ZMYND8: variants seen among roughly 807,000 people sequenced by gnomAD.
The protein encoded by ZMYND8 is MYND-type zinc finger-containing chromatin reader ZMYND8.
ZMYND8 carries 37 observed loss-of-function variants against 140.8 expected under a neutral mutation model. The ratio of observed to expected loss-of-function variants is 0.26; its 90% CI spans 0.20 to 0.35. The LOEUF is 0.35. Among genes scored for constraint, ZMYND8 ranks in the 10% least tolerant of loss-of-function variants. The pLI is 1.00. For missense variants in ZMYND8, 1,068 were observed against 1,570.0 expected, an observed-to-expected ratio of 0.68 and a Z score of 5.40; for synonymous variants, 592 against 597.1, an observed-to-expected ratio of 0.99 and a Z score of 0.12.
chr20:47,352,512 C>T, intron 1 of ZMYND8: 2 of 985,460 alleles, frequency 2.0e-6, no homozygotes, highest in Non-Finnish European at 2.4e-6. Context: ...CCCAACAGAG[C>T]CTGAGAATTA....
At chr20:47,227,548 T>G (rs1485427726) in intron 17 of ZMYND8, among the ~76,000 whole-genome samples, 1 of 152,236 alleles carries the variant, frequency 6.6e-6, no homozygotes, top group Admixed American at 6.5e-5. Flanking sequence ...GACTTTCATA[T>G]AAATAATATA....
In ZMYND8 at chr20:47,281,571, A is replaced by C. The variant is rs73304056; in HGVS notation, c.998+531T>G. 6.8e-3 allele frequency among the ~76,000 whole-genome samples: 1,041 copies of C among 152,268 alleles called. 11 individuals carry two copies. The highest frequency in any genetic ancestry group is 0.024 in the African/African-American group (993 of 41,530). ...ATTCACTCTGCCGTGTACGGAGGGA[A>C]AGGGGAGGGCAGGAAGGCTGGGAGG... On this transcript the variant is annotated intron_variant, in intron 10 of 22. Coordinates refer to ENST00000471951, the MANE Select transcript of ZMYND8 (RefSeq NM_001281775.3).
intron 8 of ZMYND8, among the ~76,000 whole-genome samples, chr20:47,285,981 A>T (rs1358534159): frequency 2.0e-5 from 3 of 152,084 alleles, no homozygotes; most frequent in African/African-American, 7.2e-5. Flanking sequence ...GCCTGAGCCC[A>T]GGAGTTTGAG....
chr20:47,276,244 C>A, intron 11 of ZMYND8, 70 bp downstream of exon 11: 1 of 1,465,618 alleles, frequency 6.8e-7, no homozygotes, highest in Non-Finnish European at 9.0e-7. Flanking sequence ...CTTGGGCCCA[C>A]CAAGTGTGCA....
In ZMYND8 at chr20:47,215,972, TAC is replaced by T. The variant is rs148180036; in HGVS notation, c.3485-3249_3485-3248del. Among the ~76,000 whole-genome samples, 933 of 152,182 alleles carry T rather than the reference TAC, an allele frequency of 6.1e-3. 13 individuals are homozygous for T. The highest frequency in any genetic ancestry group is 0.02 in the African/African-American group (842 of 41,500). ...TTTAAGTGCCTAGGAAGAAAAGCAA[TAC>T]AGAGTGAGAAATCTGGCTACAACAA... On this transcript the variant is annotated intron_variant, in intron 21 of 22. Transcript: ENST00000471951.
intron 11 of ZMYND8, among the ~76,000 whole-genome samples, chr20:47,265,484 A>G (rs932632266): frequency 1.3e-5 from 2 of 152,212 alleles, no homozygotes; most frequent in African/African-American, 4.8e-5. Flanking sequence ...TCTGTTGCCC[A>G]AGCTGGAATG....
chr20:47,305,208 T>C (rs1451304588), intron 3 of ZMYND8, among the ~76,000 whole-genome samples: 1 of 151,132 alleles, frequency 6.6e-6, no homozygotes, highest in African/African-American at 2.4e-5. Context: ...GACACCACTG[T>C]ACTCCAGCCT....
intron 12 of ZMYND8, among the ~76,000 whole-genome samples, chr20:47,250,950 G>A (rs1456507456): frequency 6.6e-6 from 1 of 151,998 alleles, no homozygotes; most frequent in East Asian, 1.9e-4. Flanking sequence ...AATGGCTTGA[G>A]CCAGGAGTTA....
chr20:47,286,655 C>T (rs967836229), intron 8 of ZMYND8, among the ~76,000 whole-genome samples: 1 of 152,154 alleles, frequency 6.6e-6, no homozygotes, highest in Non-Finnish European at 1.5e-5. Flanking sequence ...TTTTTATTCT[C>T]ACAATGAGAT....
At chr20:47,215,944 A>G (rs1248825666) in intron 21 of ZMYND8, among the ~76,000 whole-genome samples, 3 of 152,172 alleles carry the variant, frequency 2.0e-5, no homozygotes, top group Non-Finnish European at 4.4e-5. Context: ...ATAGATGAGG[A>G]TATTTAAGTG....
intron 17 of ZMYND8, among the ~76,000 whole-genome samples, chr20:47,229,421 G>A (rs1447119478): frequency 6.6e-6 from 1 of 152,132 alleles, no homozygotes; most frequent in Non-Finnish European, 1.5e-5. Context: ...AGAAGATTCA[G>A]GAGCCAGTTT....
At chr20:47,236,653 C>T (rs2039278055) in intron 15 of ZMYND8, 137 bp from the exon 16 acceptor site, 1 of 897,308 alleles carries the variant, frequency 1.1e-6, no homozygotes, top group Non-Finnish European at 1.6e-6. Context: ...CTCCCCTTGA[C>T]CAAACTCTAT....
intron 18 of ZMYND8, among the ~76,000 whole-genome samples, chr20:47,226,609 G>A (rs778821623): frequency 2.6e-5 from 4 of 151,740 alleles, no homozygotes; most frequent in Admixed American, 6.6e-5. Context: ...TCAACACGTC[G>A]GTTTCTTCCC....
chr20:47,210,606 T>C lies in ZMYND8; in HGVS notation c.*155A>G. On this transcript the variant is annotated 3_prime_UTR_variant, in exon 23 of 23. Transcript: ENST00000471951. The stretch of plus-strand genomic sequence containing the variant: ...AAAGCCGATGCTGGGTGTCCTGTAG[T>C]GTAGCAGCCCCCGCGCCGGGGGCTC... 2.6e-6 allele frequency: 3 copies of C among 1,146,564 alleles called. No homozygotes were observed. Among genetic ancestry groups the C allele is most frequent in the East Asian group, 2.4e-5 (1 of 42,066 alleles). 71.0% of individuals were successfully genotyped at this position (1,146,564 alleles called of 1,614,324 possible).
intron 12 of ZMYND8, among the ~76,000 whole-genome samples, chr20:47,252,342 G>GGACTCAAA (rs1315838782): frequency 2.0e-5 from 3 of 148,796 alleles, no homozygotes; most frequent in African/African-American, 7.5e-5. Flanking sequence ...CCAGTAGGCA[G>GGACTCAAA]GACTCAAGGA....
At chr20:47,244,027 C>T (rs2040252550) in intron 14 of ZMYND8, among the ~76,000 whole-genome samples, 1 of 152,208 alleles carries the variant, frequency 6.6e-6, no homozygotes. Flanking sequence ...TCCACTGTAC[C>T]TCTCACAGAC....
chr20:47,223,882 C>G (rs540155676), intron 19 of ZMYND8, among the ~76,000 whole-genome samples: 14 of 151,892 alleles, frequency 9.2e-5, no homozygotes, highest in African/African-American at 2.2e-4. Flanking sequence ...GCTGGAAGCT[C>G]TAGGCCTGGG....
chr20:47,336,087 A>G (rs2081365892), intron 2 of ZMYND8, among the ~76,000 whole-genome samples: 1 of 152,218 alleles, frequency 6.6e-6, no homozygotes, highest in Non-Finnish European at 1.5e-5. Flanking sequence ...GTTTGTGGTT[A>G]TATTTTCTGA....
intron 2 of ZMYND8, among the ~76,000 whole-genome samples, chr20:47,345,408 C>T (rs1006642562): frequency 1.3e-5 from 2 of 151,876 alleles, no homozygotes; most frequent in East Asian, 1.9e-4. Context: ...TAAACAGGGC[C>T]GGCCCAGGTA....
Sources: allele counts gnomAD v4.1 joint callset (sites outside exome capture counted in the v4.1 genomes callset), GRCh38; gene constraint gnomAD v4.1.1; transcripts MANE v1.5; gene names NCBI Gene and HGNC (gene_info 2026-07-23, HGNC 2026-07-21).